Variants in ANAPC10 observed in about 807,000 individuals in gnomAD.
The protein encoded by ANAPC10 is anaphase-promoting complex subunit 10.
ANAPC10 carries 12 observed loss-of-function variants against 22.0 expected under a neutral mutation model. That is an observed-to-expected ratio of 0.55 (90% CI 0.35 to 0.88). The LOEUF (loss-of-function observed/expected upper bound fraction) is 0.88. Ranked by LOEUF, ANAPC10 falls within the 40% of genes least tolerant of loss-of-function variation. The pLI, the probability that ANAPC10 is intolerant of heterozygous loss-of-function variation, is 0.01. For missense variants in ANAPC10, 188 were observed against 220.9 expected, an observed-to-expected ratio of 0.85 and a Z score of 0.94; for synonymous variants, 65 against 69.5, an observed-to-expected ratio of 0.94 and a Z score of 0.32.
At chr4:144,997,545 C>T (rs987745610) in intron 4 of ANAPC10, among the ~76,000 whole-genome samples, 2 of 151,456 alleles carry the variant, frequency 1.3e-5, no homozygotes, top group Non-Finnish European at 3.0e-5. Flanking sequence ...GCTGAGTTCA[C>T]CACCAGGCCT....
At chr4:145,085,925 G>A (rs1250503079) in intron 2 of ANAPC10, among the ~76,000 whole-genome samples, 2 of 150,654 alleles carry the variant, frequency 1.3e-5, no homozygotes, top group South Asian at 2.1e-4. Context: ...GTGCAGTGGC[G>A]CGATTTCAGC....
intron 2 of ANAPC10, among the ~76,000 whole-genome samples, chr4:145,089,396 T>C (rs756259993): frequency 5.3e-5 from 8 of 152,188 alleles, no homozygotes; most frequent in African/African-American, 9.6e-5. Flanking sequence ...GTATCAAATA[T>C]AGAGTTAAGC....
intron 2 of ANAPC10, among the ~76,000 whole-genome samples, chr4:145,090,527 T>C (rs1747518150): frequency 1.3e-5 from 2 of 152,060 alleles, no homozygotes; most frequent in Non-Finnish European, 2.9e-5. Flanking sequence ...TTCTTTGGGC[T>C]AGTTCTACAC....
intron 3 of ANAPC10, among the ~76,000 whole-genome samples, chr4:145,065,152 C>G (rs1320501937): frequency 6.6e-6 from 1 of 151,906 alleles, no homozygotes; most frequent in African/African-American, 2.4e-5. Flanking sequence ...AACTACCTTT[C>G]CTAAAAAATA....
intron 4 of ANAPC10, among the ~76,000 whole-genome samples, chr4:145,008,961 T>G (rs1244772460): frequency 6.6e-6 from 1 of 152,088 alleles, no homozygotes; most frequent in African/African-American, 2.4e-5. Context: ...GCCCAAAATC[T>G]CCTTAAGCTG....
At chr4:145,078,438 A>C (rs1745495790) in intron 3 of ANAPC10, among the ~76,000 whole-genome samples, 1 of 152,206 alleles carries the variant, frequency 6.6e-6, no homozygotes, top group Non-Finnish European at 1.5e-5. Context: ...GTTTAAAAAA[A>C]AATGGTCATA....
chr4:145,036,558 A>G (rs1439381578), intron 4 of ANAPC10, among the ~76,000 whole-genome samples: 1 of 152,154 alleles, frequency 6.6e-6, no homozygotes, highest in Non-Finnish European at 1.5e-5. Flanking sequence ...TATGTTGTCC[A>G]AGCTGGCCTT....
At chr4:145,010,546 C>G (rs773837091) in intron 4 of ANAPC10, among the ~76,000 whole-genome samples, 15 of 152,110 alleles carry the variant, frequency 9.9e-5, no homozygotes, top group African/African-American at 3.6e-4. Flanking sequence ...AGGTGAAAAT[C>G]ATCATTCTGA....
intron 4 of ANAPC10, among the ~76,000 whole-genome samples, chr4:145,030,403 T>C (rs990905263): frequency 1.3e-5 from 2 of 152,188 alleles, no homozygotes; most frequent in Admixed American, 6.5e-5. Flanking sequence ...ACCTCTGGCC[T>C]TGTACCAAGG....
At chr4:145,058,012 A>C (rs182478977) in intron 4 of ANAPC10, among the ~76,000 whole-genome samples, 1 of 152,234 alleles carries the variant, frequency 6.6e-6, no homozygotes, top group East Asian at 1.9e-4. Context: ...TCCCATGATT[A>C]AGCTGTGTTG....
At chr4:145,012,437 A>G (rs1734494662) in intron 4 of ANAPC10, among the ~76,000 whole-genome samples, 1 of 151,992 alleles carries the variant, frequency 6.6e-6, no homozygotes, top group Admixed American at 6.6e-5. Context: ...AAAAAGAAAA[A>G]ATAAAGAATT....
At chr4:145,021,145 TC>T (rs1275139889) in intron 4 of ANAPC10, among the ~76,000 whole-genome samples, 1 of 151,926 alleles carries the variant, frequency 6.6e-6, no homozygotes, top group Non-Finnish European at 1.5e-5. Context: ...CAAAATACCA[TC>T]ATCATTCTTC....
intron 4 of ANAPC10, among the ~76,000 whole-genome samples, chr4:144,998,904 A>G (rs1732059989): frequency 6.6e-6 from 1 of 152,154 alleles, no homozygotes; most frequent in South Asian, 2.1e-4. Context: ...AAAAGAAGCA[A>G]ATAGACACAA....
intron 1 of ANAPC10, chr4:145,097,439 T>G: frequency 1.6e-6 from 2 of 1,264,036 alleles, no homozygotes; most frequent in Non-Finnish European, 2.1e-6. Flanking sequence ...GCGCAGTTAC[T>G]GCTACTGAAC....
At chr4:145,031,587 T>C (rs2127058172) in intron 4 of ANAPC10, among the ~76,000 whole-genome samples, 1 of 152,204 alleles carries the variant, frequency 6.6e-6, no homozygotes, top group Non-Finnish European at 1.5e-5. Context: ...TTGAGTGGGG[T>C]CCAGAACAGG....
intron 2 of ANAPC10, among the ~76,000 whole-genome samples, chr4:145,085,541 T>C (rs1014850023): frequency 6.6e-6 from 1 of 152,100 alleles, no homozygotes; most frequent in Non-Finnish European, 1.5e-5. Flanking sequence ...ATAGTATTTG[T>C]TCTTAAAATG....
At chr4:145,062,736 AT>A (rs1291526210) in intron 4 of ANAPC10, among the ~76,000 whole-genome samples, 5 of 152,332 alleles carry the variant, frequency 3.3e-5, no homozygotes, top group African/African-American at 1.2e-4. Context: ...CTGCAGCATT[AT>A]TCACAATAGC....
intron 2 of ANAPC10, among the ~76,000 whole-genome samples, chr4:145,083,870 C>T (rs1295236187): frequency 6.6e-6 from 1 of 152,156 alleles, no homozygotes; most frequent in African/African-American, 2.4e-5. Context: ...TTGTATTTCA[C>T]ATTTATTAAT....
At chr4:145,086,312 G>A (rs1746888376) in intron 2 of ANAPC10, among the ~76,000 whole-genome samples, 1 of 152,152 alleles carries the variant, frequency 6.6e-6, no homozygotes, top group South Asian at 2.1e-4. Context: ...ACGTATCTAT[G>A]ATAACTGCTT....
Sources: allele counts gnomAD v4.1 joint callset (sites outside exome capture counted in the v4.1 genomes callset), GRCh38; gene constraint gnomAD v4.1.1; transcripts MANE v1.5; gene names NCBI Gene and HGNC (gene_info 2026-07-23, HGNC 2026-07-21).